Variants in FOCAD observed in about 807,000 individuals in gnomAD.
FOCAD encodes focadhesin.
FOCAD carries 198 observed loss-of-function variants against 225.6 expected under a neutral mutation model. That is an observed-to-expected ratio of 0.88 (90% CI 0.78 to 0.99). FOCAD has a LOEUF of 0.99. FOCAD is among the 50% of genes least tolerant of loss of function. FOCAD has a pLI of 0.00. For synonymous variants in FOCAD, 897 were observed against 755.0 expected (o/e 1.19, Z -3.08); for missense variants, 2,713 against 2,123.6 (o/e 1.28, Z -5.46).
At chr9:20,814,860 TG>T (rs1248589070) in intron 11 of FOCAD, among the ~76,000 whole-genome samples, 1 of 152,130 alleles carries the variant, frequency 6.6e-6, no homozygotes, top group East Asian at 1.9e-4. Context: ...TCCATTTACA[TG>T]GTTTTTTTAG....
At chr9:20,804,354 G>C (rs908342056) in intron 11 of FOCAD, among the ~76,000 whole-genome samples, 1 of 152,036 alleles carries the variant, frequency 6.6e-6, no homozygotes, top group East Asian at 2.0e-4. Context: ...AATTTTTGGT[G>C]CCTGTTTTAA....
intron 2 of FOCAD, among the ~76,000 whole-genome samples, chr9:20,661,126 C>T (rs899506758): frequency 6.6e-6 from 1 of 152,182 alleles, no homozygotes. Context: ...GCAATGGCAA[C>T]TGAAAATGAT....
At chr9:20,656,336 G>T (rs1211736621), upstream of FOCAD, among the ~76,000 whole-genome samples, 1 of 151,240 alleles carries the variant, frequency 6.6e-6, no homozygotes, top group Non-Finnish European at 1.5e-5. Context: ...TATCCTTGTT[G>T]ACTTTCTGTC....
At chr9:20,897,670 T>A (rs1832211695) in intron 21 of FOCAD, among the ~76,000 whole-genome samples, 1 of 151,808 alleles carries the variant, frequency 6.6e-6, no homozygotes. Context: ...AATTTTTTTC[T>A]CTCATTCCTT....
intron 10 of FOCAD, among the ~76,000 whole-genome samples, chr9:20,785,301 T>C (rs2131140210): frequency 6.6e-6 from 1 of 152,324 alleles, no homozygotes; most frequent in African/African-American, 2.4e-5. Context: ...TTTAGTATAT[T>C]CGCAGCATTG....
At chr9:20,747,087 A>G (rs1467556292) in intron 5 of FOCAD, among the ~76,000 whole-genome samples, 1 of 152,118 alleles carries the variant, frequency 6.6e-6, no homozygotes, top group African/African-American at 2.4e-5. Flanking sequence ...TGGGGAATAC[A>G]TTTTGAGACC....
At chr9:20,877,269 T>TA (rs1179597956) in intron 19 of FOCAD, among the ~76,000 whole-genome samples, 1 of 152,210 alleles carries the variant, frequency 6.6e-6, no homozygotes, top group Admixed American at 6.5e-5. Context: ...AGCATAATTG[T>TA]AATTGCCGAA....
chr9:20,891,591 C>T (rs1206576437), intron 21 of FOCAD, among the ~76,000 whole-genome samples: 1 of 152,148 alleles, frequency 6.6e-6, no homozygotes, highest in Non-Finnish European at 1.5e-5. Flanking sequence ...AAAGTCTAAT[C>T]TAGAGGAAGA....
At chr9:20,926,513 G>A (rs1156937221) in intron 26 of FOCAD, 96 bp downstream of exon 26, 1 of 779,072 alleles carries the variant, frequency 1.3e-6, no homozygotes. Context: ...GCCAGGCGCG[G>A]TGGCTCACGC....
chr9:20,847,251 C>T (rs906464509), intron 15 of FOCAD, among the ~76,000 whole-genome samples: 1 of 152,076 alleles, frequency 6.6e-6, no homozygotes, highest in Non-Finnish European at 1.5e-5. Flanking sequence ...CCGAGCCCTA[C>T]ACAACCAATA....
At chr9:20,663,716 C>T (rs756269733) in intron 2 of FOCAD, among the ~76,000 whole-genome samples, 16 of 152,180 alleles carry the variant, frequency 1.1e-4, no homozygotes, top group Non-Finnish European at 1.6e-4. Flanking sequence ...TAACCTCAAG[C>T]CTGAGACTGC....
At chr9:20,805,370 A>G (rs1033951969) in intron 11 of FOCAD, among the ~76,000 whole-genome samples, 1 of 152,230 alleles carries the variant, frequency 6.6e-6, no homozygotes, top group Non-Finnish European at 1.5e-5. Flanking sequence ...GATTATATTC[A>G]TTATAAGCTG....
chr9:20,803,726 CT>C (rs1451302572), intron 11 of FOCAD, among the ~76,000 whole-genome samples: 3 of 152,096 alleles, frequency 2.0e-5, no homozygotes, highest in Non-Finnish European at 4.4e-5. Context: ...ATCTTGCAGA[CT>C]TGGGCTCCTT....
At chr9:20,662,831 A>G (rs1004183086) in intron 2 of FOCAD, among the ~76,000 whole-genome samples, 31 of 152,226 alleles carry the variant, frequency 2.0e-4, no homozygotes, top group African/African-American at 7.5e-4. Flanking sequence ...ATATATTTTG[A>G]TAACATTCTA....
chr9:20,744,419 T>C (rs1827879784), intron 5 of FOCAD, among the ~76,000 whole-genome samples: 1 of 152,210 alleles, frequency 6.6e-6, no homozygotes, highest in African/African-American at 2.4e-5. Flanking sequence ...TTTCTTTAGC[T>C]TTGTGGCTTA....
chr9:20,987,771 C>G (rs755975220), intron 40 of FOCAD, among the ~76,000 whole-genome samples: 9 of 152,104 alleles, frequency 5.9e-5, no homozygotes, highest in Admixed American at 1.3e-4. Flanking sequence ...ATGCAGTTCC[C>G]GTTTTTGAAA....
chr9:20,733,072 C>G (rs1826848433), intron 4 of FOCAD, among the ~76,000 whole-genome samples: 1 of 152,098 alleles, frequency 6.6e-6, no homozygotes, highest in Non-Finnish European at 1.5e-5. Context: ...AATATCTAAT[C>G]AGCTCTTTTT....
chr9:20,969,956 T>C (rs1839617641), intron 35 of FOCAD, among the ~76,000 whole-genome samples: 1 of 150,768 alleles, frequency 6.6e-6, no homozygotes. Context: ...ATACTTGAAT[T>C]ATAGTTTTGT....
intron 1 of FOCAD, among the ~76,000 whole-genome samples, chr9:20,691,408 A>T (rs1822966929): frequency 6.6e-6 from 1 of 151,932 alleles, no homozygotes; most frequent in Non-Finnish European, 1.5e-5. Flanking sequence ...CAGTCATTAG[A>T]CCTTATACTT....
Sources: gnomAD v4.1 joint callset for allele counts (sites outside exome capture counted in the v4.1 genomes callset) on GRCh38, gnomAD v4.1.1 for gene constraint, MANE v1.5 for transcripts, NCBI Gene and HGNC (gene_info 2026-07-23, HGNC 2026-07-21) for gene names.